KLHDC10: variants seen among roughly 807,000 people sequenced by gnomAD.
The protein encoded by KLHDC10 is kelch domain containing 10.
KLHDC10 carries 24 observed loss-of-function variants against 56.1 expected under a neutral mutation model. The observed-to-expected ratio is 0.43, with a 90% confidence interval of 0.31 to 0.60. The LOEUF (loss-of-function observed/expected upper bound fraction) is 0.60, where lower values mean the gene tolerates loss of function less well. KLHDC10 is among the 20% of genes least tolerant of loss of function. The pLI, the probability that KLHDC10 is intolerant of heterozygous loss-of-function variation, is 0.11. For synonymous variants in KLHDC10, 188 were observed against 207.1 expected (o/e 0.91, Z 0.79); for missense variants, 349 against 567.0 (o/e 0.62, Z 3.91).
rs6961878 is a variant in KLHDC10, at chr7:130,120,161, C to T, written c.476-588C>T. On this transcript the variant is annotated intron_variant, in intron 3 of 9. Transcript: ENST00000335420. The surrounding 1 kb of genome is among the most constrained non-coding windows in gnomAD (Gnocchi z 5.1). ...CTGAGTCCCCTTGGGTCTTTGCTAA[C>T]GCAAAGATGATACTTCATTTTTCTC... Among the ~76,000 whole-genome samples the T allele has an allele frequency of 4.6e-5, 7 of 152,208 alleles. No homozygotes were observed. Among genetic ancestry groups the T allele is most frequent in the Admixed American group, 1.3e-4 (2 of 15,298 alleles).
chr7:130,118,569 T>C lies in KLHDC10; in HGVS notation c.475+1903T>C, dbSNP rs1796203090. ...TACTTTTAATTTCCATCAAGAACTTTTCCTTTGCATTCACAATTCGGCTAA... is the reference window on the plus strand; with the variant it reads ...TACTTTTAATTTCCATCAAGAACTTCTCCTTTGCATTCACAATTCGGCTAA... On this transcript the variant is annotated intron_variant, in intron 3 of 9. Transcript: ENST00000335420. Among the ~76,000 whole-genome samples the C allele has an allele frequency of 1.3e-5, 2 of 152,244 alleles. 1 individual carries two copies. The highest frequency in any genetic ancestry group is 4.1e-4 in the South Asian group (2 of 4,834).
rs781335836 is a variant in KLHDC10 at position 130,116,441 on chromosome 7, C to A, written c.254-4C>A. The A allele has an allele frequency of 1.6e-5, 25 of 1,611,018 alleles. No homozygotes were observed. The South Asian group carries it at 2.8e-4, about 18-fold the overall frequency. ...CTGTGGAAAACTGTCCTCTTCTCTC[C>A]TAGGCCACAGACCTCCACCAGCACG... is the stretch of plus-strand genomic sequence containing the variant. On this transcript the variant is annotated splice_polypyrimidine_tract_variant and splice_region_variant and intron_variant, in intron 2 of 9. Coordinates refer to ENST00000335420, the MANE Select transcript of KLHDC10 (RefSeq NM_014997.4). This position sits in a 1 kb window ranked among gnomAD's most constrained non-coding sequence, Gnocchi z 4.8.
At chr7:130,098,649 T>A (rs1222724858) in intron 2 of KLHDC10, among the ~76,000 whole-genome samples, 6 of 152,192 alleles carry the variant, frequency 3.9e-5, no homozygotes, top group African/African-American at 1.4e-4. Context: ...TTGTGCTGAA[T>A]AAAGCATAAA....
At chr7:130,128,846 C>T (rs2116921391) in intron 8 of KLHDC10, among the ~76,000 whole-genome samples, 1 of 125,788 alleles carries the variant, frequency 7.9e-6, no homozygotes, top group African/African-American at 3.1e-5. Flanking sequence ...TCAAGACCAG[C>T]CTGGGTAATA....
At chr7:130,111,681 G>C (rs1331548933) in intron 2 of KLHDC10, among the ~76,000 whole-genome samples, 1 of 152,052 alleles carries the variant, frequency 6.6e-6, no homozygotes, top group African/African-American at 2.4e-5. Flanking sequence ...ACCACAGGTA[G>C]GTCTCACTCA....
At chr7:130,117,291 G>T (rs1365864575) in intron 3 of KLHDC10, among the ~76,000 whole-genome samples, 1 of 152,194 alleles carries the variant, frequency 6.6e-6, no homozygotes, top group East Asian at 1.9e-4. Flanking sequence ...GGTGGTTGCT[G>T]AAGGTTGGGG....
chr7:130,081,510 G>T (rs1430864747), intron 1 of KLHDC10, among the ~76,000 whole-genome samples: 2 of 151,686 alleles, frequency 1.3e-5, no homozygotes, highest in African/African-American at 4.8e-5. Context: ...GTAGAGACAG[G>T]GTTTCACCGT....
chr7:130,079,310 G>A (rs764471228), intron 1 of KLHDC10, among the ~76,000 whole-genome samples: 3 of 151,924 alleles, frequency 2.0e-5, no homozygotes, highest in Admixed American at 6.6e-5. Context: ...CGCCCACCTC[G>A]GCCTCCCAAA....
chr7:130,070,602 C>A lies in KLHDC10; in HGVS notation c.-42C>A. On this transcript the variant is annotated 5_prime_UTR_variant, in exon 1 of 10. Coordinates refer to ENST00000335420, the MANE Select transcript of KLHDC10 (RefSeq NM_014997.4). Reference sequence around the variant, plus strand: ...GGAGGCTCCGCTGGTTCCGCTGGGTCAGGCGCTGACGGGACCGGGCTGCGG... The same window carrying A: ...GGAGGCTCCGCTGGTTCCGCTGGGTAAGGCGCTGACGGGACCGGGCTGCGG... 1 of 1,296,412 alleles carries A rather than the reference C, an allele frequency of 7.7e-7. No individual in the cohort carries two copies. The highest frequency in any genetic ancestry group is 2.9e-5 in the South Asian group (1 of 34,706). 80.3% of individuals were successfully genotyped at this position (1,296,412 alleles called of 1,614,324 possible). A position where few individuals can be genotyped will look rare whatever the true frequency, so the allele number is the denominator to read the frequency against.
Position 130,120,607 on chromosome 7 carries a change from T to C in KLHDC10, c.476-142T>C. 1 of 796,800 alleles carries C rather than the reference T, an allele frequency of 1.3e-6. No homozygotes were observed. Among genetic ancestry groups the C allele is most frequent in the Non-Finnish European group, 2.0e-6 (1 of 507,454 alleles). The allele number at this position is 796,800 out of a possible 1,614,324, so 49.4% of individuals were successfully genotyped here. A position where few individuals can be genotyped will look rare whatever the true frequency, so the allele number is the denominator to read the frequency against. The stretch of plus-strand genomic sequence containing the variant: ...GATTTTCAGATTTGGCACGCTCAGC[T>C]ACTAGTTAGATGTCAGTGGTTTGAG... On this transcript the variant is annotated intron_variant, in intron 3 of 9. Coordinates refer to ENST00000335420, the MANE Select transcript of KLHDC10 (RefSeq NM_014997.4). The surrounding 1 kb of genome is among the most constrained non-coding windows in gnomAD (Gnocchi z 5.1).
intron 2 of KLHDC10, among the ~76,000 whole-genome samples, chr7:130,112,008 A>T (rs913627329): frequency 3.9e-5 from 6 of 152,314 alleles, no homozygotes; most frequent in Non-Finnish European, 8.8e-5. Flanking sequence ...GTATGGCCCT[A>T]TAACAGTATT....
At chr7:130,099,673 T>C (rs1795902641) in intron 2 of KLHDC10, among the ~76,000 whole-genome samples, 1 of 151,926 alleles carries the variant, frequency 6.6e-6, no homozygotes, top group Admixed American at 6.6e-5. Flanking sequence ...TTCAGCACAG[T>C]GGGAAAGAGG....
intron 1 of KLHDC10, among the ~76,000 whole-genome samples, chr7:130,090,767 CGTGTG>C (rs943262828): frequency 6.8e-6 from 1 of 148,142 alleles, no homozygotes; most frequent in Non-Finnish European, 1.5e-5. Flanking sequence ...TACACATACT[CGTGTG>C]TGTGTGTGTG....
chr7:130,077,776 C>T (rs1349463091), intron 1 of KLHDC10, among the ~76,000 whole-genome samples: 5 of 151,688 alleles, frequency 3.3e-5, no homozygotes, highest in Non-Finnish European at 5.9e-5. Context: ...AGGATGGTCT[C>T]GATCTCCTGA....
chr7:130,088,473 A>C (rs998147064), intron 1 of KLHDC10, among the ~76,000 whole-genome samples: 5 of 151,180 alleles, frequency 3.3e-5, no homozygotes, highest in Non-Finnish European at 5.9e-5. Context: ...CGGGGGTTTT[A>C]CCATGTTGGC....
At chr7:130,109,321 C>A (rs1306886571) in intron 2 of KLHDC10, among the ~76,000 whole-genome samples, 1 of 151,180 alleles carries the variant, frequency 6.6e-6, no homozygotes, top group Middle Eastern at 3.2e-3. Flanking sequence ...TGCACTCAAG[C>A]GATCCTCCAG....
intron 1 of KLHDC10, among the ~76,000 whole-genome samples, chr7:130,089,912 G>A (rs557802980): frequency 2.7e-5 from 4 of 149,760 alleles, no homozygotes; most frequent in East Asian, 2.0e-4. Context: ...ATGGAGTTTC[G>A]CTCTTGTTGC....
At chr7:130,110,294 A>G (rs1796083438) in intron 2 of KLHDC10, among the ~76,000 whole-genome samples, 1 of 152,202 alleles carries the variant, frequency 6.6e-6, no homozygotes, top group Admixed American at 6.5e-5. Context: ...GACTTAACAA[A>G]CTCATTCTAA....
chr7:130,126,622 G>A (rs2116918561), intron 7 of KLHDC10, among the ~76,000 whole-genome samples: 1 of 152,192 alleles, frequency 6.6e-6, no homozygotes, highest in African/African-American at 2.4e-5. Flanking sequence ...ATTGCAGTGA[G>A]CCAAGATCAC....
Sources: gnomAD v4.1 joint callset for allele counts (sites outside exome capture counted in the v4.1 genomes callset) on GRCh38, gnomAD v4.1.1 for gene constraint, Gnocchi (gnomAD v3.1) non-coding constraint, MANE v1.5 for transcripts, NCBI Gene and HGNC (gene_info 2026-07-23, HGNC 2026-07-21) for gene names.